RANBP17: variants seen among roughly 807,000 people sequenced by gnomAD.
RANBP17 encodes ran-binding protein 17.
A neutral mutation model predicts 141.2 loss-of-function variants in RANBP17; 158 were observed. That is an observed-to-expected ratio of 1.12 (90% CI 0.98 to 1.28). The LOEUF (loss-of-function observed/expected upper bound fraction) is 1.28, where lower values mean the gene tolerates loss of function less well. Ranked by LOEUF, RANBP17 falls within the 50% of genes most tolerant of loss-of-function variation. The pLI is 0.00. For missense variants in RANBP17, 1,438 were observed against 1,290.7 expected, an observed-to-expected ratio of 1.11 and a Z score of -1.75; for synonymous variants, 430 against 450.0, an observed-to-expected ratio of 0.96 and a Z score of 0.56.
At chr5:171,277,938 C>CCTTTTTTTTTTTTTT (rs1554127986) in intron 25 of RANBP17, among the ~76,000 whole-genome samples, 1 of 72,266 alleles carries the variant, frequency 1.4e-5, no homozygotes, top group Non-Finnish European at 2.3e-5. Flanking sequence ...GGACTTCTTT[C>CCTTTTTTTTTTTTTT]TTTTTTTTTT....
chr5:170,942,315 TATTC>T (rs1173060109), intron 12 of RANBP17, among the ~76,000 whole-genome samples: 1 of 152,128 alleles, frequency 6.6e-6, no homozygotes, highest in Non-Finnish European at 1.5e-5. Context: ...TGTACAATAA[TATTC>T]ATAGCATTAT....
chr5:170,905,232 G>T (rs1770980052), intron 5 of RANBP17, among the ~76,000 whole-genome samples: 2 of 152,094 alleles, frequency 1.3e-5, no homozygotes, highest in East Asian at 3.9e-4. Flanking sequence ...CACATAAAAT[G>T]GTTCTAAACA....
chr5:171,090,840 G>A (rs1786201709), intron 14 of RANBP17, among the ~76,000 whole-genome samples: 1 of 152,188 alleles, frequency 6.6e-6, no homozygotes, highest in Non-Finnish European at 1.5e-5. Context: ...GAGCCTGCGG[G>A]TGCACAGAAG....
intron 11 of RANBP17, among the ~76,000 whole-genome samples, chr5:170,920,490 T>A (rs1772352433): frequency 6.9e-6 from 1 of 145,098 alleles, no homozygotes; most frequent in South Asian, 2.5e-4. Context: ...TTTCCCATTT[T>A]TTAATTGGGT....
At chr5:171,176,430 T>C (rs1760486250) in intron 16 of RANBP17, among the ~76,000 whole-genome samples, 2 of 152,156 alleles carry the variant, frequency 1.3e-5, no homozygotes, top group Admixed American at 6.6e-5. Flanking sequence ...TTGAATCTTA[T>C]TGACCTCTTT....
chr5:171,140,459 A>G (rs1389411835), intron 14 of RANBP17, among the ~76,000 whole-genome samples: 1 of 152,250 alleles, frequency 6.6e-6, no homozygotes, highest in Non-Finnish European at 1.5e-5. Flanking sequence ...AACTGAGTAC[A>G]TATACCCAAC....
chr5:171,028,419 A>G (rs953855827), intron 14 of RANBP17, among the ~76,000 whole-genome samples: 1 of 152,156 alleles, frequency 6.6e-6, no homozygotes, highest in African/African-American at 2.4e-5. Context: ...GGAATGCCAG[A>G]TAAGTTAACC....
intron 14 of RANBP17, among the ~76,000 whole-genome samples, chr5:171,111,537 A>G (rs1469944868): frequency 1.3e-5 from 2 of 152,020 alleles, no homozygotes; most frequent in Non-Finnish European, 2.9e-5. Context: ...GTCTCTCTGA[A>G]GTGTCAGTCT....
chr5:171,298,493 A>G (rs1286918349), intron 27 of RANBP17, among the ~76,000 whole-genome samples: 1 of 152,208 alleles, frequency 6.6e-6, no homozygotes, highest in Non-Finnish European at 1.5e-5. Context: ...TGTTTTTTAA[A>G]AGTAGAACCA....
At chr5:170,962,122 A>T (rs914519712) in intron 13 of RANBP17, among the ~76,000 whole-genome samples, 1 of 152,226 alleles carries the variant, frequency 6.6e-6, no homozygotes, top group African/African-American at 2.4e-5. Context: ...TGGAGCACCA[A>T]CTAGCTTTAG....
intron 24 of RANBP17, among the ~76,000 whole-genome samples, chr5:171,255,806 T>C (rs1162670162): frequency 6.6e-6 from 1 of 152,192 alleles, no homozygotes; most frequent in Non-Finnish European, 1.5e-5. Context: ...TGGTGGCTGA[T>C]TGCTGTGTAA....
intron 14 of RANBP17, among the ~76,000 whole-genome samples, chr5:170,974,347 G>C (rs183152985): frequency 1.3e-5 from 2 of 152,162 alleles, no homozygotes; most frequent in Non-Finnish European, 2.9e-5. Flanking sequence ...TCTTGAACAC[G>C]TCCAAAACTT....
At chr5:171,069,659 GTT>G (rs1784518816) in intron 14 of RANBP17, among the ~76,000 whole-genome samples, 1 of 152,174 alleles carries the variant, frequency 6.6e-6, no homozygotes, top group Admixed American at 6.5e-5. Flanking sequence ...ATAAAATAGA[GTT>G]TGTGTTAGGT....
At chr5:171,087,205 C>G (rs1167875641) in intron 14 of RANBP17, among the ~76,000 whole-genome samples, 1 of 151,074 alleles carries the variant, frequency 6.6e-6, no homozygotes. Context: ...TTATTTCTGC[C>G]TTCATTTCGT....
At chr5:170,889,872 G>A (rs962685905) in intron 3 of RANBP17, among the ~76,000 whole-genome samples, 2 of 152,134 alleles carry the variant, frequency 1.3e-5, no homozygotes, top group Non-Finnish European at 2.9e-5. Context: ...TGTTTTAAAT[G>A]ATTGTAATTA....
At chr5:171,192,123 G>T (rs955331301) in intron 18 of RANBP17, among the ~76,000 whole-genome samples, 5 of 152,192 alleles carry the variant, frequency 3.3e-5, no homozygotes, top group Non-Finnish European at 5.9e-5. Context: ...GGAAGGTTTA[G>T]CAAGTGAGGG....
At chr5:171,281,909 CAA>C (rs1238437849) in intron 25 of RANBP17, among the ~76,000 whole-genome samples, 4 of 152,180 alleles carry the variant, frequency 2.6e-5, no homozygotes, top group Non-Finnish European at 2.9e-5. Context: ...ACTTACCCCT[CAA>C]GAGAGTAAGC....
intron 14 of RANBP17, among the ~76,000 whole-genome samples, chr5:171,072,146 C>T (rs985163346): frequency 2.0e-5 from 3 of 151,784 alleles, no homozygotes; most frequent in Admixed American, 6.6e-5. Flanking sequence ...GTCAGAGATA[C>T]GATGTGAAAA....
chr5:171,069,504 C>G (rs1290083039), intron 14 of RANBP17, among the ~76,000 whole-genome samples: 1 of 152,186 alleles, frequency 6.6e-6, no homozygotes, highest in Non-Finnish European at 1.5e-5. Context: ...GTTTCTTACC[C>G]TGCCATTGTT....
Sources: allele counts gnomAD v4.1 joint callset (sites outside exome capture counted in the v4.1 genomes callset), GRCh38; gene constraint gnomAD v4.1.1; transcripts MANE v1.5; gene names NCBI Gene and HGNC (gene_info 2026-07-23, HGNC 2026-07-21).